The following PCBP4 variants were observed in gnomAD, a reference collection of about 807,000 sequenced individuals.
PCBP4 encodes poly(rC) binding protein 4, also known as poly(rC)-binding protein 4.
PCBP4 carries 24 observed loss-of-function variants against 46.2 expected under a neutral mutation model. That is an observed-to-expected ratio of 0.52 (90% CI 0.38 to 0.73). The LOEUF (loss-of-function observed/expected upper bound fraction) is 0.73, where lower values mean the gene tolerates loss of function less well. PCBP4 is among the 30% of genes least tolerant of loss of function. The pLI is 0.00. For synonymous variants in PCBP4, 203 were observed against 224.4 expected (o/e 0.90, Z 0.85); for missense variants, 407 against 537.0 (o/e 0.76, Z 2.39).
chr3:51,959,698 T>C lies in PCBP4; in HGVS notation c.517-47A>G. The C allele has an allele frequency of 6.6e-7, 1 of 1,520,438 alleles. No individual in the cohort carries two copies. The highest frequency in any genetic ancestry group is 1.2e-5 in the South Asian group (1 of 83,328). The allele number at this position is 1,520,438 out of a possible 1,614,324, so 94.2% of individuals were successfully genotyped here. Reference sequence around the variant, plus strand: ...CTGTCAGGACCCTCTCAGGCTCCGATAACCTCCCCAGCTGCCCAGTGGCCT... The same window carrying C: ...CTGTCAGGACCCTCTCAGGCTCCGACAACCTCCCCAGCTGCCCAGTGGCCT... On this transcript the variant is annotated intron_variant, in intron 8 of 13. Coordinates refer to ENST00000461554, the MANE Select transcript of PCBP4 (RefSeq NM_001174100.2). This position sits in a 1 kb window ranked among gnomAD's most constrained non-coding sequence, Gnocchi z 5.6.
rs1205999191 is a variant in PCBP4, at chr3:51,959,366, C to T, written c.636+1G>A. ...GGTGCCTTGGGCTATGGGTCACTCA[C>T]CTCAGCTGGGGTCACAGCCCCATAC... On this transcript the variant is annotated splice_donor_variant, in intron 10 of 13. Transcript: ENST00000461554. LOFTEE classifies it high-confidence loss of function. The surrounding 1 kb of genome is among the most constrained non-coding windows in gnomAD (Gnocchi z 5.6). 6.2e-7 allele frequency: 1 copy of T among 1,613,130 alleles called. No homozygotes were observed. Among genetic ancestry groups the T allele is most frequent in the African/African-American group, 1.3e-5 (1 of 75,040 alleles).
At chr3:51,966,006 G>C (rs189154109) in intron 1 of PCBP4, among the ~76,000 whole-genome samples, 1 of 152,322 alleles carries the variant, frequency 6.6e-6, no homozygotes, top group Non-Finnish European at 1.5e-5. Context: ...AGAGGGGCTC[G>C]CGGCCCAGAG....
intron 1 of PCBP4, among the ~76,000 whole-genome samples, chr3:51,964,032 C>G (rs1371845702): frequency 6.6e-6 from 1 of 152,190 alleles, no homozygotes; most frequent in Admixed American, 6.5e-5. Context: ...CAGCTCACCT[C>G]CGCGGGTGCC....
In PCBP4 at chr3:51,958,379, AG is replaced by A; in HGVS notation, c.924-31del. The A allele has an allele frequency of 1.4e-6, 2 of 1,428,142 alleles. No homozygotes were observed. Among genetic ancestry groups the A allele is most frequent in the East Asian group, 2.6e-5 (1 of 39,158 alleles). The allele number at this position is 1,428,142 out of a possible 1,614,324, so 88.5% of individuals were successfully genotyped here. ...AGAGAGGGATATAGAGGGGAGACAA[AG>A]GGGAAAGTGGGAGTGAGAGAGGGGC... On this transcript the variant is annotated intron_variant, in intron 13 of 13. Transcript: ENST00000461554. This position sits in a 1 kb window ranked among gnomAD's most constrained non-coding sequence, Gnocchi z 5.4.
chr3:51,959,337 A>G lies in PCBP4; in HGVS notation c.636+30T>C. On this transcript the variant is annotated intron_variant, in intron 10 of 13. Transcript: ENST00000461554. This position sits in a 1 kb window ranked among gnomAD's most constrained non-coding sequence, Gnocchi z 5.6. ...GAGGTCAGAGGAGGCATGGTTCAGG[A>G]AGGGGTGCCTTGGGCTATGGGTCAC... 1 of 1,613,584 alleles carries G rather than the reference A, an allele frequency of 6.2e-7. No homozygotes were observed.
At position 51,961,297 on chromosome 3, in the gene PCBP4, G is replaced by T; in HGVS notation, c.-57C>A. On this transcript the variant is annotated 5_prime_UTR_variant, in exon 3 of 14. Transcript: ENST00000461554. ...TGCGAGTGTGTCCGCGCTGCAACCT[G>T]GCCGGCTCTGGCAGGGGCAGCCAAA... 5 of 1,570,498 alleles carry T rather than the reference G, an allele frequency of 3.2e-6. No individual in the cohort carries two copies. Among genetic ancestry groups the T allele is most frequent in the East Asian group, 2.3e-5 (1 of 43,128 alleles).
chr3:51,959,307 G>T lies in PCBP4; in HGVS notation c.637-15C>A, dbSNP rs1300866943. ...AGCTTGGTGACCTGTGCCAAAGAGGGGTCAGAGGTCAGAGGAGGCATGGTT... is the reference window on the plus strand; with the variant it reads ...AGCTTGGTGACCTGTGCCAAAGAGGTGTCAGAGGTCAGAGGAGGCATGGTT... On this transcript the variant is annotated splice_polypyrimidine_tract_variant and intron_variant, in intron 10 of 13. Coordinates refer to ENST00000461554, the MANE Select transcript of PCBP4 (RefSeq NM_001174100.2). This position sits in a 1 kb window ranked among gnomAD's most constrained non-coding sequence, Gnocchi z 5.6. The T allele has an allele frequency of 6.2e-7, 1 of 1,613,874 alleles. No individual in the cohort carries two copies. The highest frequency in any genetic ancestry group is 8.5e-7 in the Non-Finnish European group (1 of 1,179,904).
chr3:51,959,698 T>G lies in PCBP4; in HGVS notation c.517-47A>C. ...CTGTCAGGACCCTCTCAGGCTCCGA[T>G]AACCTCCCCAGCTGCCCAGTGGCCT... On this transcript the variant is annotated intron_variant, in intron 8 of 13. Coordinates refer to ENST00000461554, the MANE Select transcript of PCBP4 (RefSeq NM_001174100.2). The surrounding 1 kb of genome is among the most constrained non-coding windows in gnomAD (Gnocchi z 5.6). 1 of 1,520,440 alleles carries G rather than the reference T, an allele frequency of 6.6e-7. No individual in the cohort carries two copies. The highest frequency in any genetic ancestry group is 8.9e-7 in the Non-Finnish European group (1 of 1,119,222). The allele number at this position is 1,520,440 out of a possible 1,614,324, so 94.2% of individuals were successfully genotyped here. A position where few individuals can be genotyped will look rare whatever the true frequency, so the allele number is the denominator to read the frequency against.
chr3:51,959,247 T>C lies in PCBP4; in HGVS notation c.682A>G (p.Thr228Ala). 5 of 1,613,892 alleles carry C rather than the reference T, an allele frequency of 3.1e-6. No individual in the cohort carries two copies. The highest frequency in any genetic ancestry group is 4.2e-6 in the Non-Finnish European group (5 of 1,179,950). ...GGCTTACCTGGCACCACGCTGGGTG[T>C]GGCAAAGGGGACCGCATGGCTTGAG... is the stretch of plus-strand genomic sequence containing the variant. ...QLSSHAVPFA[T>A]PSVVPGLDPG... Residue 228 changes from threonine (T) to alanine (A), a missense_variant, in exon 11 of 14, where the codon ACA becomes GCA. By Grantham distance (58) the Thr-to-Ala change is moderately conservative. Transcript: ENST00000461554. This position sits in a 1 kb window ranked among gnomAD's most constrained non-coding sequence, Gnocchi z 5.6.
In PCBP4 at chr3:51,958,658, G is replaced by C; in HGVS notation, c.923+132C>G. ...ATTAGGCAAAGACCATGGGGAATTGGAGTAGGGTTAGGAGAGGCAGAGGTC... is the reference window on the plus strand; with the variant it reads ...ATTAGGCAAAGACCATGGGGAATTGCAGTAGGGTTAGGAGAGGCAGAGGTC... On this transcript the variant is annotated intron_variant, in intron 13 of 13. Coordinates refer to ENST00000461554, the MANE Select transcript of PCBP4 (RefSeq NM_001174100.2). The surrounding 1 kb of genome is among the most constrained non-coding windows in gnomAD (Gnocchi z 5.4). 1.0e-6 allele frequency: 1 copy of C among 984,774 alleles called. No individual in the cohort carries two copies. Among genetic ancestry groups the C allele is most frequent in the Non-Finnish European group, 1.5e-6 (1 of 680,468 alleles). 61.0% of individuals were successfully genotyped at this position (984,774 alleles called of 1,614,324 possible). A position where few individuals can be genotyped will look rare whatever the true frequency, so the allele number is the denominator to read the frequency against.
chr3:51,961,833 G>C (rs1700193874), intron 2 of PCBP4, 108 bp downstream of exon 2: 1 of 896,224 alleles, frequency 1.1e-6, no homozygotes, highest in Non-Finnish European at 1.3e-6. Context: ...GAGCAGCCAT[G>C]GGAAGCCTTG....
chr3:51,963,931 C>G (rs1261365497), intron 1 of PCBP4, among the ~76,000 whole-genome samples: 1 of 152,234 alleles, frequency 6.6e-6, no homozygotes, highest in Non-Finnish European at 1.5e-5. Flanking sequence ...CAGTGGGGCT[C>G]TAGGGAGTCA....
In PCBP4 at chr3:51,961,002, G is replaced by T; in HGVS notation, c.105+8C>A. On this transcript the variant is annotated splice_region_variant and intron_variant, in intron 4 of 13. Transcript: ENST00000461554. ...AGGGGGATGTACAGAGCAGAGCTAGGCACCTACCTTCCCGATGATGCTGCC... is the reference window on the plus strand; with the variant it reads ...AGGGGGATGTACAGAGCAGAGCTAGTCACCTACCTTCCCGATGATGCTGCC... The T allele has an allele frequency of 5.6e-6, 9 of 1,614,210 alleles. No individual in the cohort carries two copies. Among genetic ancestry groups the T allele is most frequent in the Non-Finnish European group, 6.8e-6 (8 of 1,180,038 alleles).
At position 51,959,319 on chromosome 3, in the gene PCBP4, G is replaced by A. The variant is rs774641615; in HGVS notation, c.637-27C>T. 8 of 1,613,892 alleles carry A rather than the reference G, an allele frequency of 5.0e-6. No individual in the cohort carries two copies. The highest frequency in any genetic ancestry group is 1.7e-4 in the Middle Eastern group (1 of 6,032). On this transcript the variant is annotated intron_variant, in intron 10 of 13. Transcript: ENST00000461554. The surrounding 1 kb of genome is among the most constrained non-coding windows in gnomAD (Gnocchi z 5.6). ...TGTGCCAAAGAGGGGTCAGAGGTCA[G>A]AGGAGGCATGGTTCAGGAAGGGGTG...
intron 3 of PCBP4, 60 bp downstream of exon 3, chr3:51,961,100 A>G: frequency 6.2e-7 from 1 of 1,613,316 alleles, no homozygotes; most frequent in Non-Finnish European, 8.5e-7. Flanking sequence ...CCACTGGGAT[A>G]CCCAGTGAAA....
intron 2 of PCBP4, 71 bp from the exon 3 acceptor site, chr3:51,961,375 C>T: frequency 6.9e-7 from 1 of 1,444,134 alleles, no homozygotes; most frequent in Non-Finnish European, 9.1e-7. Flanking sequence ...ACATGGGGAC[C>T]CCAGAGCTGG....
Position 51,959,861 on chromosome 3 carries a change from T to TCCTGCCCCCTCTCTC in PCBP4, c.516+19_516+33dup, listed in dbSNP as rs758596584. 2.6e-6 allele frequency: 4 copies of TCCTGCCCCCTCTCTC among 1,561,922 alleles called. 1 individual carries two copies. The Middle Eastern group carries it at 5.2e-4, about 205-fold the overall frequency. The stretch of plus-strand genomic sequence containing the variant: ...CGACAAGGCAGACCCAGGGCCCATC[T>TCCTGCCCCCTCTCTC]CCTGCCCCCTCTCTCCCTGCCCCAG... On this transcript the variant is annotated intron_variant, in intron 8 of 13. Transcript: ENST00000461554. The surrounding 1 kb of genome is among the most constrained non-coding windows in gnomAD (Gnocchi z 5.6).
At chr3:51,961,507 G>A in intron 2 of PCBP4, 1 of 611,322 alleles carries the variant, frequency 1.6e-6, no homozygotes, top group Non-Finnish European at 2.7e-6. Context: ...TCAACCCTCT[G>A]AGCCTCAGCT....
In PCBP4 at chr3:51,959,870, C is replaced by T. The variant is rs2535650; in HGVS notation, c.516+25G>A. On this transcript the variant is annotated intron_variant, in intron 8 of 13. Coordinates refer to ENST00000461554, the MANE Select transcript of PCBP4 (RefSeq NM_001174100.2). The surrounding 1 kb of genome is among the most constrained non-coding windows in gnomAD (Gnocchi z 5.6). ...AGACCCAGGGCCCATCTCCTGCCCC[C>T]TCTCTCCCTGCCCCAGGGCAGCACC... is the stretch of plus-strand genomic sequence containing the variant. 17 of 1,565,594 alleles carry T rather than the reference C, an allele frequency of 1.1e-5. No individual in the cohort carries two copies. The highest frequency in any genetic ancestry group is 2.2e-5 in the East Asian group (1 of 44,562).
Sources: gnomAD v4.1 joint callset for allele counts (sites outside exome capture counted in the v4.1 genomes callset) on GRCh38, gnomAD v4.1.1 for gene constraint, Gnocchi (gnomAD v3.1) non-coding constraint, MANE v1.5 for transcripts, NCBI Gene and HGNC (gene_info 2026-07-23, HGNC 2026-07-21) for gene names.